TMEM106C: variants seen among roughly 807,000 people sequenced by gnomAD.
The protein encoded by TMEM106C is endoplasmic reticulum membrane protein overexpressed in cancer.
Under a neutral mutation model 30.8 loss-of-function variants are expected in TMEM106C, and 27 were observed. The observed-to-expected ratio is 0.88, with a 90% confidence interval of 0.65 to 1.21. The LOEUF is 1.21. TMEM106C is among the 50% of genes most tolerant of loss of function. The pLI is 0.00. For synonymous variants in TMEM106C, 123 were observed against 118.8 expected (o/e 1.04, Z -0.23); for missense variants, 288 against 307.8 (o/e 0.94, Z 0.48).
intron 2 of TMEM106C, 133 bp downstream of exon 2, chr12:47,964,556 C>A: frequency 1.3e-6 from 1 of 774,732 alleles, no homozygotes; most frequent in Non-Finnish European, 2.1e-6. Context: ...GCCAGCTCAA[C>A]TGACTTAATA....
In TMEM106C at chr12:47,966,713, G is replaced by C. The variant is rs1457104705; in HGVS notation, c.583G>C (p.Gly195Arg). The change falls in exon 6 of 8, where the codon GGA becomes CGA. Residue 195 changes from glycine (G) to arginine (R), a missense_variant. Gly to Arg is a moderately radical substitution (Grantham distance 125). Transcript: ENST00000429772. The stretch of plus-strand genomic sequence containing the variant: ...TTTTACCGGGAAGGCCGAGATGGGA[G>C]GACCGTTTTCCTATGTGTAGTAAGG... ...VNFTGKAEMGGPFSYVYFFCT... is the reference protein window; with the variant it reads ...VNFTGKAEMGRPFSYVYFFCT... The C allele has an allele frequency of 6.2e-7, 1 of 1,614,046 alleles. No individual in the cohort carries two copies. Among genetic ancestry groups the C allele is most frequent in the Non-Finnish European group, 8.5e-7 (1 of 1,180,040 alleles).
rs1003968626 is a variant in TMEM106C at position 47,968,802 on chromosome 12, G to A, written c.*573G>A. On this transcript the variant is annotated 3_prime_UTR_variant, in exon 8 of 8. Transcript: ENST00000429772. ...TGTTTTTACCAAGAGTCTATGTGGGGCTTGATTCACCCTTCATCCATTGGC... is the reference window on the plus strand; with the variant it reads ...TGTTTTTACCAAGAGTCTATGTGGGACTTGATTCACCCTTCATCCATTGGC... 1 of 161,318 alleles carries A rather than the reference G, an allele frequency of 6.2e-6. No homozygotes were observed. Among genetic ancestry groups the A allele is most frequent in the African/African-American group, 2.4e-5 (1 of 41,396 alleles). The allele number at this position is 161,318 out of a possible 1,614,324, so 10.0% of individuals were successfully genotyped here.
chr12:47,966,044 G>A, intron 4 of TMEM106C, 45 bp from the exon 5 acceptor site: 1 of 1,614,132 alleles, frequency 6.2e-7, no homozygotes, highest in Non-Finnish European at 8.5e-7. Context: ...TGCCAGGCTG[G>A]GACCCAGGAC....
chr12:47,965,260 T>C lies in TMEM106C; in HGVS notation c.188-22T>C, dbSNP rs371644149. 6.2e-6 allele frequency: 10 copies of C among 1,610,538 alleles called. No homozygotes were observed. In the East Asian group the frequency reaches 8.9e-5, roughly 14 times the overall value. Reference sequence around the variant, plus strand: ...CTGCCAACACATGGGATTTACAAAATAATTGTTTGGCTCTTTTCTAGAGCA... The same window carrying C: ...CTGCCAACACATGGGATTTACAAAACAATTGTTTGGCTCTTTTCTAGAGCA... On this transcript the variant is annotated intron_variant, in intron 2 of 7. Coordinates refer to ENST00000429772, the MANE Select transcript of TMEM106C (RefSeq NM_001143842.2).
chr12:47,966,114 A>G lies in TMEM106C; in HGVS notation c.437A>G (p.Asn146Ser), dbSNP rs757113059. 3.1e-6 allele frequency: 5 copies of G among 1,614,156 alleles called. No individual in the cohort carries two copies. Among genetic ancestry groups the G allele is most frequent in the Non-Finnish European group, 4.2e-6 (5 of 1,180,024 alleles). ...GCCACCCTGAAAATCAGGAACTCCA[A>G]CTTCTACACGGTGGCAGTGACCAGC... is the stretch of plus-strand genomic sequence containing the variant. ...IMATLKIRNSNFYTVAVTSLS... is the reference protein window; with the variant it reads ...IMATLKIRNSSFYTVAVTSLS... Residue 146 changes from asparagine (N) to serine (S), a missense_variant, in exon 5 of 8, where the codon AAC becomes AGC. Asn to Ser is a conservative substitution (Grantham distance 46). Coordinates refer to ENST00000429772, the MANE Select transcript of TMEM106C (RefSeq NM_001143842.2).
At chr12:47,965,562 CAGA>C in intron 3 of TMEM106C, 1 of 644,950 alleles carries the variant, frequency 1.6e-6, no homozygotes, top group South Asian at 1.9e-5. Context: ...GGAATGGAAT[CAGA>C]AGAAACTGGG....
chr12:47,964,355 A>T lies in TMEM106C; in HGVS notation c.119A>T (p.Tyr40Phe). Residue 40 changes from tyrosine to phenylalanine, a missense_variant, in exon 2 of 8, where the codon TAT becomes TTT. Tyr to Phe is a conservative substitution (Grantham distance 22). Transcript: ENST00000429772. The part of the protein sequence containing the change: ...EQEEAIAQFP[Y>F]VEFTGRDSIT... ...GAAGAAGCCATTGCTCAGTTCCCAT[A>T]TGTGGAATTCACCGGGAGAGATAGC... 1 of 1,614,162 alleles carries T rather than the reference A, an allele frequency of 6.2e-7. No homozygotes were observed. Among genetic ancestry groups the T allele is most frequent in the Non-Finnish European group, 8.5e-7 (1 of 1,180,020 alleles).
chr12:47,966,774 A>G (rs1294001357), intron 6 of TMEM106C, 42 bp downstream of exon 6: 12 of 1,605,974 alleles, frequency 7.5e-6, no homozygotes, highest in African/African-American at 4.0e-5. Flanking sequence ...CTACTGGAGG[A>G]AAGGGATTCA....
rs748258441 is a variant in TMEM106C at position 47,968,094 on chromosome 12, C to T, written c.657-39C>T. 14 of 1,562,542 alleles carry T rather than the reference C, an allele frequency of 9.0e-6. No individual in the cohort carries two copies. The African/African-American group carries it at 1.5e-4, about 17-fold the overall frequency. On this transcript the variant is annotated intron_variant, in intron 7 of 7. Coordinates refer to ENST00000429772, the MANE Select transcript of TMEM106C (RefSeq NM_001143842.2). ...ACATTTTTCTGGCTTATTTCATCCC[C>T]CAAACATAATTAATTCTTCTTGGTT...
At position 47,964,333 on chromosome 12, in the gene TMEM106C, G is replaced by C; in HGVS notation, c.97G>C (p.Glu33Gln). The change falls in exon 2 of 8, where the codon GAA becomes CAA. Residue 33 changes from glutamate (E) to glutamine (Q), a missense_variant. Glu to Gln is a conservative substitution (Grantham distance 29). Coordinates refer to ENST00000429772, the MANE Select transcript of TMEM106C (RefSeq NM_001143842.2). ...DGLLAEREQE[E>Q]AIAQFPYVEF... ...TTTGCTGGCTGAACGAGAGCAGGAA[G>C]AAGCCATTGCTCAGTTCCCATATGT... 1 of 1,614,192 alleles carries C rather than the reference G, an allele frequency of 6.2e-7. No homozygotes were observed. The highest frequency in any genetic ancestry group is 8.5e-7 in the Non-Finnish European group (1 of 1,180,034).
rs1938300989 is a variant in TMEM106C at position 47,968,055 on chromosome 12, A to G, written c.657-78A>G. ...GTGGGTATTGTTCTCTGAACTTGCA[A>G]AAAATTTCCTGGGACATTTTTCTGG... is the stretch of plus-strand genomic sequence containing the variant. On this transcript the variant is annotated intron_variant, in intron 7 of 7. Transcript: ENST00000429772. The G allele has an allele frequency of 9.4e-6, 12 of 1,273,630 alleles. No individual in the cohort carries two copies. The Admixed American group carries it at 1.4e-4, about 15-fold the overall frequency. 78.9% of individuals were successfully genotyped at this position (1,273,630 alleles called of 1,614,324 possible).
rs541860800 is a variant in TMEM106C at position 47,966,105 on chromosome 12, G to C, written c.428G>C (p.Arg143Thr). 1.2e-6 allele frequency: 2 copies of C among 1,614,218 alleles called. No individual in the cohort carries two copies. Among genetic ancestry groups the C allele is most frequent in the East Asian group, 4.5e-5 (2 of 44,884 alleles). Reference protein sequence around the residue: ...ILTIMATLKIRNSNFYTVAVT... With the variant: ...ILTIMATLKITNSNFYTVAVT... ...CTGATGTAGGCCACCCTGAAAATCAGGAACTCCAACTTCTACACGGTGGCA... is the reference window on the plus strand; with the variant it reads ...CTGATGTAGGCCACCCTGAAAATCACGAACTCCAACTTCTACACGGTGGCA... The change falls in exon 5 of 8, where the codon AGG becomes ACG. Residue 143 changes from arginine (R) to threonine (T), a missense_variant. Physicochemically the swap from Arg to Thr is moderately conservative, Grantham distance 71 (BLOSUM62 -1). Transcript: ENST00000429772.
intron 2 of TMEM106C, chr12:47,964,840 A>G (rs1938167194): frequency 3.6e-6 from 1 of 277,944 alleles, no homozygotes; most frequent in Non-Finnish European, 6.9e-6. Flanking sequence ...AGAGAGACAA[A>G]TACTTAGCCT....
intron 2 of TMEM106C, chr12:47,964,754 T>C (rs992770607): frequency 2.8e-6 from 1 of 356,240 alleles, no homozygotes; most frequent in African/African-American, 2.1e-5. Context: ...GGGAACCATC[T>C]TGGAAGCTGC....
chr12:47,967,127 C>A, intron 6 of TMEM106C, 81 bp from the exon 7 acceptor site: 2 of 1,457,708 alleles, frequency 1.4e-6, no homozygotes, highest in Non-Finnish European at 1.9e-6. Flanking sequence ...GCACCCCAAA[C>A]AGGACAGTGT....
At chr12:47,964,171 C>T in intron 1 of TMEM106C, 38 bp from the exon 2 acceptor site, 1 of 1,534,478 alleles carries the variant, frequency 6.5e-7, no homozygotes, top group South Asian at 1.2e-5. Context: ...TCGTGATTCA[C>T]TGGGGCCGCT....
Position 47,967,249 on chromosome 12 carries a change from T to G in TMEM106C, c.644T>G (p.Val215Gly). 1 of 1,614,184 alleles carries G rather than the reference T, an allele frequency of 6.2e-7. No homozygotes were observed. Among genetic ancestry groups the G allele is most frequent in the Non-Finnish European group, 8.5e-7 (1 of 1,180,028 alleles). ...TVPEILVHNI[V>G]IFMRTSVKIS... is the part of the protein sequence containing the mutation. ...CCTGAGATCCTGGTGCACAACATAG[T>G]GATCTTCATGCGGTGCGTCTCTCTT... The change falls in exon 7 of 8, where the codon GTG becomes GGG. Residue 215 changes from valine to glycine, a missense_variant. Transcript: ENST00000429772.
chr12:47,966,002 G>A lies in TMEM106C; in HGVS notation c.411+5G>A. On this transcript the variant is annotated splice_donor_5th_base_variant and intron_variant, in intron 4 of 7. Transcript: ENST00000429772. ...CTTGTAATTCTCACCATCATGGTAA[G>A]CCTTAGGGTTTCATTCCCTGGGTTG... is the stretch of plus-strand genomic sequence containing the variant. 1 of 1,614,206 alleles carries A rather than the reference G, an allele frequency of 6.2e-7. No individual in the cohort carries two copies.
chr12:47,964,837 C>T (rs1938166755), intron 2 of TMEM106C: 2 of 280,152 alleles, frequency 7.1e-6, no homozygotes, highest in Admixed American at 5.0e-5. Context: ...GAGAGAGAGA[C>T]AAATACTTAG....
Sources: gnomAD v4.1 joint callset for allele counts on GRCh38, gnomAD v4.1.1 for gene constraint, MANE v1.5 for transcripts, NCBI Gene and HGNC (gene_info 2026-07-23, HGNC 2026-07-21) for gene names.